Variants in C4orf36 observed in about 807,000 individuals in gnomAD.
C4orf36 encodes the protein chromosome 4 open reading frame 36.
A neutral mutation model predicts 12.2 loss-of-function variants in C4orf36; 11 were observed. The observed-to-expected ratio is 0.90, with a 90% confidence interval of 0.57 to 1.49. The LOEUF (loss-of-function observed/expected upper bound fraction) is 1.49. Ranked by LOEUF, C4orf36 falls within the 40% of genes most tolerant of loss-of-function variation. The pLI is 0.00. For missense variants in C4orf36, 137 were observed against 133.9 expected (o/e 1.02, Z -0.11); for synonymous variants, 54 against 51.3 (o/e 1.05, Z -0.22).
At chr4:86,928,293 G>T in the C4orf36 span, among the ~76,000 whole-genome samples, 26 of 152,242 alleles carry the variant, frequency 1.7e-4, no homozygotes, top group Non-Finnish European at 3.2e-4. Flanking sequence ...TCAGGAGGCA[G>T]GGCTGTTCAT....
upstream of C4orf36, among the ~76,000 whole-genome samples, chr4:86,893,523 T>G (rs145827058): frequency 0.025 from 3,804 of 151,494 alleles, 155 homozygotes; most frequent in African/African-American, 0.088. Flanking sequence ...GAGGCAGAGG[T>G]TGCAGTGAGC....
At chr4:86,889,323 C>A (rs1238269721) in intron 2 of C4orf36, among the ~76,000 whole-genome samples, 1 of 147,540 alleles carries the variant, frequency 6.8e-6, no homozygotes, top group African/African-American at 2.5e-5. Context: ...TGCACTTCAG[C>A]CTGGGTGAGA....
At chr4:86,886,562 G>A (rs1292894740) in intron 4 of C4orf36, 2 of 152,202 alleles carry the variant, frequency 1.3e-5, no homozygotes, top group African/African-American at 4.8e-5. Flanking sequence ...ACCACAATGA[G>A]ATATCATCTC....
upstream of C4orf36, chr4:86,892,549 G>A (rs1747470306): frequency 2.5e-6 from 2 of 797,630 alleles, no homozygotes; most frequent in Admixed American, 6.2e-5. Flanking sequence ...ACCGGGCCGG[G>A]GCAGGCCGCG....
chr4:86,909,268 A>G, the C4orf36 span, among the ~76,000 whole-genome samples: 1 of 152,206 alleles, frequency 6.6e-6, no homozygotes. Context: ...AATTCTCAAG[A>G]CACCAACACT....
chr4:86,913,883 C>A, the C4orf36 span: 74 of 948,018 alleles, frequency 7.8e-5, 1 homozygote, highest in African/African-American at 1.2e-3. Context: ...GGCTGGAGTG[C>A]AGTGGCACGA....
chr4:86,924,759 T>C, the C4orf36 span: 1 of 152,264 alleles, frequency 6.6e-6, no homozygotes, highest in African/African-American at 2.4e-5. Flanking sequence ...ACTATGCTTT[T>C]ATATTTGAAT....
At chr4:86,922,849 CT>C in the C4orf36 span, among the ~76,000 whole-genome samples, 3 of 152,156 alleles carry the variant, frequency 2.0e-5, no homozygotes, top group South Asian at 6.2e-4. Flanking sequence ...GAATTTTAGC[CT>C]CAGGGTTGAG....
chr4:86,917,744 A>G, the C4orf36 span, among the ~76,000 whole-genome samples: 8 of 152,242 alleles, frequency 5.3e-5, no homozygotes, highest in Non-Finnish European at 1.0e-4. Context: ...TGAACATCTT[A>G]GACTGTGCTT....
At chr4:86,878,516 CAAGTT>C (rs1192284253) in intron 4 of C4orf36, among the ~76,000 whole-genome samples, 2 of 152,144 alleles carry the variant, frequency 1.3e-5, no homozygotes, top group African/African-American at 4.8e-5. Flanking sequence ...ACTCCAGAAA[CAAGTT>C]AAGAGGTTGC....
chr4:86,927,798 T>G, the C4orf36 span, among the ~76,000 whole-genome samples: 1 of 29,588 alleles, frequency 3.4e-5, no homozygotes, highest in African/African-American at 5.4e-5. Context: ...AGGCTCCATT[T>G]CAAAAAAAAA....
chr4:86,926,595 A>C, the C4orf36 span, among the ~76,000 whole-genome samples: 1 of 151,934 alleles, frequency 6.6e-6, no homozygotes, highest in Non-Finnish European at 1.5e-5. Context: ...CGGGTTGGCC[A>C]CTCCTAGATT....
chr4:86,916,918 T>C, the C4orf36 span, among the ~76,000 whole-genome samples: 1 of 152,194 alleles, frequency 6.6e-6, no homozygotes, highest in Non-Finnish European at 1.5e-5. Context: ...TCATTTATGC[T>C]GCCTGTCTTA....
the C4orf36 span, among the ~76,000 whole-genome samples, chr4:86,899,766 A>G: frequency 6.6e-6 from 1 of 152,224 alleles, no homozygotes; most frequent in Non-Finnish European, 1.5e-5. Context: ...GAGAGACAGA[A>G]GTTGCTGTGA....
At chr4:86,882,473 T>C (rs906965809) in intron 4 of C4orf36, among the ~76,000 whole-genome samples, 17 of 152,104 alleles carry the variant, frequency 1.1e-4, no homozygotes, top group African/African-American at 3.9e-4. Context: ...ACTTCCTAAA[T>C]TCCTACCCCT....
At chr4:86,887,530 T>C in intron 4 of C4orf36, 2 of 416,280 alleles carry the variant, frequency 4.8e-6, no homozygotes, top group Non-Finnish European at 8.4e-6. Context: ...CAACTCCAAA[T>C]GCATTTTCAT....
the C4orf36 span, among the ~76,000 whole-genome samples, chr4:86,907,925 G>A: frequency 2.7e-5 from 4 of 150,568 alleles, no homozygotes; most frequent in Admixed American, 1.3e-4. Context: ...CCGAGATCAT[G>A]CCACTGCACT....
At chr4:86,876,786 T>TA (rs72349471) in intron 4 of C4orf36, 465 of 1,355,422 alleles carry the variant, frequency 3.4e-4, no homozygotes, top group South Asian at 4.2e-4. Flanking sequence ...AATTTTAAAA[T>TA]AAAAAAAAAG....
intron 4 of C4orf36, 128 bp from the exon 5 acceptor site, chr4:86,876,571 A>G: frequency 6.2e-7 from 1 of 1,614,004 alleles, no homozygotes; most frequent in Non-Finnish European, 8.5e-7. Flanking sequence ...TTAGCCCATC[A>G]AAACCTGCAA....
Sources: gnomAD v4.1 joint callset for allele counts (sites outside exome capture counted in the v4.1 genomes callset) on GRCh38, gnomAD v4.1.1 for gene constraint, MANE v1.5 for transcripts, NCBI Gene and HGNC (gene_info 2026-07-23, HGNC 2026-07-21) for gene names.